NALF1: variants seen among roughly 807,000 people sequenced by gnomAD.
NALF1 encodes the protein NALCN channel auxiliary factor 1, also known as family with sequence similarity 155 member A.
NALF1 carries 3 observed loss-of-function variants against 48.4 expected under a neutral mutation model. The observed-to-expected ratio is 0.06, with a 90% CI of 0.03 to 0.16. The LOEUF (loss-of-function observed/expected upper bound fraction) is 0.16, where lower values mean the gene tolerates loss of function less well. Among genes scored for constraint, NALF1 ranks in the 10% least tolerant of loss-of-function variants. NALF1 has a pLI of 1.00. For synonymous variants in NALF1, 262 were observed against 245.7 expected (o/e 1.07, Z -0.62); for missense variants, 526 against 571.5 (o/e 0.92, Z 0.81).
chr13:107,538,729 A>G (rs1407161563), intron 1 of NALF1, among the ~76,000 whole-genome samples: 2 of 152,186 alleles, frequency 1.3e-5, no homozygotes, highest in Admixed American at 6.6e-5. Flanking sequence ...TGAAAACTTG[A>G]GAAAAATTGC....
intron 1 of NALF1, among the ~76,000 whole-genome samples, chr13:107,594,726 T>C (rs1594148798): frequency 6.6e-6 from 1 of 152,110 alleles, no homozygotes; most frequent in African/African-American, 2.4e-5. Context: ...AAATCAACTG[T>C]GACAATTTTC....
chr13:107,703,691 C>T (rs569322352), intron 1 of NALF1, among the ~76,000 whole-genome samples: 1 of 152,212 alleles, frequency 6.6e-6, no homozygotes, highest in Admixed American at 6.5e-5. Flanking sequence ...AATTCTAATC[C>T]ATTTATTTTC....
At chr13:107,527,657 T>C (rs538097194) in intron 1 of NALF1, among the ~76,000 whole-genome samples, 2 of 152,174 alleles carry the variant, frequency 1.3e-5, no homozygotes, top group South Asian at 4.1e-4. Context: ...AGCCACCCGG[T>C]GGGAGATAAT....
chr13:107,591,012 T>C (rs1878588284), intron 1 of NALF1, among the ~76,000 whole-genome samples: 1 of 151,934 alleles, frequency 6.6e-6, no homozygotes, highest in African/African-American at 2.4e-5. Context: ...ATAAAGACTG[T>C]TATAAAACTT....
chr13:107,479,925 T>G (rs1240509536), intron 1 of NALF1, among the ~76,000 whole-genome samples: 1 of 152,116 alleles, frequency 6.6e-6, no homozygotes, highest in African/African-American at 2.4e-5. Context: ...TTTCTCTCTC[T>G]GCAATTTTTA....
intron 1 of NALF1, among the ~76,000 whole-genome samples, chr13:107,214,559 T>A (rs934821330): frequency 2.0e-5 from 3 of 152,200 alleles, no homozygotes; most frequent in African/African-American, 7.2e-5. Context: ...TTCCCCTTGA[T>A]GGCCAGTGCC....
At chr13:107,245,487 A>G (rs1167209385) in intron 1 of NALF1, among the ~76,000 whole-genome samples, 1 of 152,160 alleles carries the variant, frequency 6.6e-6, no homozygotes, top group Non-Finnish European at 1.5e-5. Flanking sequence ...CTGATTTCCA[A>G]GTCAATTCAT....
intron 1 of NALF1, among the ~76,000 whole-genome samples, chr13:107,760,270 A>G (rs1295661102): frequency 6.6e-6 from 1 of 151,870 alleles, no homozygotes; most frequent in African/African-American, 2.4e-5. Flanking sequence ...CCTAAGGAGA[A>G]GAAATAATTC....
rs61686895 is a variant in NALF1, at chr13:107,438,827, CAAAAAAAAAA to C, written c.916-228082_916-228073del. The stretch of plus-strand genomic sequence containing the variant: ...TGGATGACAGAGTGAGACTCCATCT[CAAAAAAAAAA>C]AAAAAAAAAAAAAAGAATAATATAA... On this transcript the variant is annotated intron_variant, in intron 1 of 2. Coordinates refer to ENST00000375915, the MANE Select transcript of NALF1 (RefSeq NM_001080396.3). Among the ~76,000 whole-genome samples, 5 of 17,956 alleles carry C rather than the reference CAAAAAAAAAA, an allele frequency of 2.8e-4. 1 individual carries two copies. Among genetic ancestry groups the C allele is most frequent in the African/African-American group, 8.8e-4 (5 of 5,682 alleles). The allele number at this position is 17,956 out of a possible 152,430, so 11.8% of individuals were successfully genotyped here. A position where few individuals can be genotyped will look rare whatever the true frequency, so the allele number is the denominator to read the frequency against.
chr13:107,751,574 T>C (rs923925106), intron 1 of NALF1, among the ~76,000 whole-genome samples: 1 of 152,230 alleles, frequency 6.6e-6, no homozygotes, highest in African/African-American at 2.4e-5. Context: ...ACCTAATTAA[T>C]GTTAATGGAC....
chr13:107,730,177 T>C (rs955516815), intron 1 of NALF1, among the ~76,000 whole-genome samples: 2 of 152,212 alleles, frequency 1.3e-5, no homozygotes, highest in Non-Finnish European at 2.9e-5. Context: ...CTGTCGAGAA[T>C]CATTACATTA....
At chr13:107,619,037 C>T (rs1879457543) in intron 1 of NALF1, among the ~76,000 whole-genome samples, 1 of 152,166 alleles carries the variant, frequency 6.6e-6, no homozygotes, top group African/African-American at 2.4e-5. Context: ...CCCATTTGTG[C>T]TGTTCACTAA....
chr13:107,779,490 T>G (rs928745073), intron 1 of NALF1, among the ~76,000 whole-genome samples: 1 of 152,218 alleles, frequency 6.6e-6, no homozygotes, highest in Non-Finnish European at 1.5e-5. Flanking sequence ...TGTATTTCCA[T>G]GTGCCTTACA....
intron 1 of NALF1, among the ~76,000 whole-genome samples, chr13:107,606,897 T>A (rs1879088498): frequency 6.6e-6 from 1 of 152,176 alleles, no homozygotes; most frequent in South Asian, 2.1e-4. Context: ...TCCTGATTTG[T>A]CTCTATTCCA....
chr13:107,239,680 A>T (rs1880427392), intron 1 of NALF1, among the ~76,000 whole-genome samples: 1 of 152,216 alleles, frequency 6.6e-6, no homozygotes, highest in African/African-American at 2.4e-5. Flanking sequence ...GAGGAAGCCA[A>T]TTAATGTAGT....
At chr13:107,676,757 T>C (rs4772902) in intron 1 of NALF1, among the ~76,000 whole-genome samples, 80,248 of 151,950 alleles carry the variant, frequency 0.53, 21,591 homozygotes, top group Middle Eastern at 0.66. Flanking sequence ...TTTGAATGCA[T>C]ACATACATAT....
chr13:107,622,690 C>T (rs1264932780), intron 1 of NALF1, among the ~76,000 whole-genome samples: 2 of 152,134 alleles, frequency 1.3e-5, no homozygotes, highest in Non-Finnish European at 2.9e-5. Context: ...GAACACACTG[C>T]TCTTAACCAA....
At chr13:107,173,185 C>T (rs375914812) in intron 2 of NALF1, among the ~76,000 whole-genome samples, 1 of 152,044 alleles carries the variant, frequency 6.6e-6, no homozygotes, top group Non-Finnish European at 1.5e-5. Context: ...ATGTTTTATG[C>T]TCTTCTTGAT....
intron 1 of NALF1, among the ~76,000 whole-genome samples, chr13:107,666,076 A>T (rs776988868): frequency 2.0e-5 from 3 of 152,146 alleles, no homozygotes; most frequent in Non-Finnish European, 2.9e-5. Flanking sequence ...CTCTTGCAAA[A>T]TTGCCCTTGT....
Sources: gnomAD v4.1 joint callset for allele counts (sites outside exome capture counted in the v4.1 genomes callset) on GRCh38, gnomAD v4.1.1 for gene constraint, MANE v1.5 for transcripts, NCBI Gene and HGNC (gene_info 2026-07-23, HGNC 2026-07-21) for gene names.